Variants in FOLH1 observed in about 807,000 individuals in gnomAD.
FOLH1 encodes glutamate carboxypeptidase 2.
Under a neutral mutation model 93.9 loss-of-function variants are expected in FOLH1, and 54 were observed. The observed-to-expected ratio is 0.57, with a 90% confidence interval of 0.46 to 0.72. The LOEUF (loss-of-function observed/expected upper bound fraction) is 0.72. Ranked by LOEUF, FOLH1 falls within the 30% of genes least tolerant of loss-of-function variation. FOLH1 has a pLI of 0.00. For synonymous variants in FOLH1, 249 were observed against 303.6 expected (o/e 0.82, Z 1.87); for missense variants, 571 against 892.5 (o/e 0.64, Z 4.59).
intron 6 of FOLH1, 43 bp downstream of exon 6, chr11:49,185,626 C>A: frequency 1.2e-6 from 2 of 1,609,422 alleles, no homozygotes; most frequent in Non-Finnish European, 1.7e-6. Flanking sequence ...AAGTCTCTTT[C>A]AAATGTTAAG....
chr11:49,169,817 T>G (rs376818098), intron 11 of FOLH1, among the ~76,000 whole-genome samples: 1 of 152,182 alleles, frequency 6.6e-6, no homozygotes, highest in South Asian at 2.1e-4. Flanking sequence ...GAACAAAGCG[T>G]AGCAAAGTTT....
chr11:49,166,198 G>T (rs1441683595), intron 12 of FOLH1, among the ~76,000 whole-genome samples: 1 of 152,126 alleles, frequency 6.6e-6, no homozygotes, highest in East Asian at 1.9e-4. Flanking sequence ...ATGTGTTGCT[G>T]AATGAAAAAG....
At chr11:49,174,838 T>C in intron 9 of FOLH1, 54 bp downstream of exon 9, 1 of 1,407,212 alleles carries the variant, frequency 7.1e-7, no homozygotes, top group Non-Finnish European at 9.9e-7. Flanking sequence ...CTTGGTAGTA[T>C]CCAGCACATA....
At position 49,153,781 on chromosome 11, in the gene FOLH1, GT is replaced by G. The variant is rs1387153067; in HGVS notation, c.1970+64del. 4 of 1,072,332 alleles carry G rather than the reference GT, an allele frequency of 3.7e-6. No homozygotes were observed. The African/African-American group carries it at 6.6e-5, about 18-fold the overall frequency. 66.4% of individuals were successfully genotyped at this position (1,072,332 alleles called of 1,614,324 possible). ...AGCTAGTTCAGCAACAGTCATGTTA[GT>G]TTACTTTTAAATATATATATATACA... On this transcript the variant is annotated intron_variant, in intron 17 of 18. Coordinates refer to ENST00000256999, the MANE Select transcript of FOLH1 (RefSeq NM_004476.3).
intron 7 of FOLH1, among the ~76,000 whole-genome samples, chr11:49,178,848 G>A (rs1448331438): frequency 2.0e-5 from 3 of 152,124 alleles, no homozygotes; most frequent in East Asian, 1.9e-4. Flanking sequence ...TCTGTATCTT[G>A]TAGCATATTA....
intron 2 of FOLH1, among the ~76,000 whole-genome samples, chr11:49,200,876 T>C (rs1164315566): frequency 2.0e-5 from 3 of 152,150 alleles, no homozygotes; most frequent in African/African-American, 7.2e-5. Flanking sequence ...CTGAGAGTTA[T>C]AGACAAGTGA....
At chr11:49,172,678 G>T (rs1859481118) in intron 10 of FOLH1, among the ~76,000 whole-genome samples, 1 of 152,070 alleles carries the variant, frequency 6.6e-6, no homozygotes, top group East Asian at 1.9e-4. Context: ...ACATTTTACA[G>T]CCCCAGACAC....
chr11:49,176,098 A>C, intron 7 of FOLH1, 141 bp from the exon 8 acceptor site: 1 of 784,440 alleles, frequency 1.3e-6, no homozygotes. Context: ...TACGTCATTT[A>C]AACCTTACCA....
rs191140065 is a variant in FOLH1, at chr11:49,177,428, T to C, written c.921-1471A>G. ...ATTTGCAAAAGGCAAGTAAAGAATATACATATACTTAATTATACATAAAAT... is the reference window on the plus strand; with the variant it reads ...ATTTGCAAAAGGCAAGTAAAGAATACACATATACTTAATTATACATAAAAT... On this transcript the variant is annotated intron_variant, in intron 7 of 18. Coordinates refer to ENST00000256999, the MANE Select transcript of FOLH1 (RefSeq NM_004476.3). 5.9e-3 allele frequency among the ~76,000 whole-genome samples: 899 copies of C among 152,078 alleles called. 12 individuals carry two copies. Among genetic ancestry groups the C allele is most frequent in the African/African-American group, 0.021 (859 of 41,478 alleles).
intron 3 of FOLH1, among the ~76,000 whole-genome samples, 185 bp downstream of exon 3, chr11:49,200,070 A>G (rs555120614): frequency 4.9e-4 from 74 of 152,336 alleles, no homozygotes; most frequent in Non-Finnish European, 7.5e-4. Context: ...TCTAAAACAC[A>G]GTAAACTCAA....
chr11:49,179,699 AAAACT>A (rs1171190557), intron 7 of FOLH1, among the ~76,000 whole-genome samples: 1 of 152,218 alleles, frequency 6.6e-6, no homozygotes, highest in Non-Finnish European at 1.5e-5. Context: ...CTGGACAAAG[AAAACT>A]AAACTAAACT....
At chr11:49,179,342 A>G (rs942825248) in intron 7 of FOLH1, among the ~76,000 whole-genome samples, 7 of 152,236 alleles carry the variant, frequency 4.6e-5, no homozygotes, top group African/African-American at 1.7e-4. Flanking sequence ...CTGTAAAACG[A>G]GCCTGGATAA....
intron 1 of FOLH1, 126 bp downstream of exon 1, chr11:49,208,166 C>T: frequency 2.8e-6 from 2 of 709,222 alleles, no homozygotes; most frequent in Non-Finnish European, 4.7e-6. Context: ...CACATTACCC[C>T]GACCCTAATC....
intron 7 of FOLH1, among the ~76,000 whole-genome samples, chr11:49,180,806 T>C (rs1474388423): frequency 1.3e-5 from 2 of 152,340 alleles, no homozygotes; most frequent in South Asian, 2.1e-4. Context: ...GGTGGATAAA[T>C]AGTGTCTATT....
chr11:49,154,156 G>T, intron 16 of FOLH1, 72 bp downstream of exon 16: 4 of 1,569,990 alleles, frequency 2.5e-6, no homozygotes, highest in Non-Finnish European at 3.5e-6. Flanking sequence ...AATGACCTAA[G>T]ATAGCCCATT....
chr11:49,149,857 A>T (rs1462003060), intron 17 of FOLH1, among the ~76,000 whole-genome samples: 1 of 152,206 alleles, frequency 6.6e-6, no homozygotes, highest in Non-Finnish European at 1.5e-5. Flanking sequence ...CTTGAAAATA[A>T]AAGATTTAAT....
intron 12 of FOLH1, among the ~76,000 whole-genome samples, chr11:49,166,918 A>G (rs192129929): frequency 1.0e-3 from 154 of 152,234 alleles, no homozygotes; most frequent in Non-Finnish European, 1.7e-3. Flanking sequence ...GTATGGTGCC[A>G]CACACCTGTT....
intron 4 of FOLH1, among the ~76,000 whole-genome samples, chr11:49,189,080 A>G (rs1861729076): frequency 1.3e-5 from 2 of 152,128 alleles, no homozygotes; most frequent in Non-Finnish European, 2.9e-5. Flanking sequence ...CTTCATATTG[A>G]CTTAGAATGG....
intron 9 of FOLH1, among the ~76,000 whole-genome samples, chr11:49,174,443 T>C (rs1234058086): frequency 6.6e-6 from 1 of 152,192 alleles, no homozygotes; most frequent in Admixed American, 6.5e-5. Flanking sequence ...TATCAGTGGC[T>C]TTAGTGGTAG....
Sources: gnomAD v4.1 joint callset for allele counts (sites outside exome capture counted in the v4.1 genomes callset) on GRCh38, gnomAD v4.1.1 for gene constraint, MANE v1.5 for transcripts, NCBI Gene and HGNC (gene_info 2026-07-23, HGNC 2026-07-21) for gene names.